FZD6: variants seen among roughly 807,000 people sequenced by gnomAD.
FZD6 encodes the protein frizzled class receptor 6.
In FZD6, 49 loss-of-function variants were observed where a neutral mutation model predicts 61.4. That is an observed-to-expected ratio of 0.80 (90% CI 0.63 to 1.01). The LOEUF is 1.01. Ranked by LOEUF, FZD6 falls within the 50% of genes least tolerant of loss-of-function variation. The pLI, the probability that FZD6 is intolerant of heterozygous loss-of-function variation, is 0.00. For missense variants in FZD6, 724 were observed against 848.2 expected, an observed-to-expected ratio of 0.85 and a Z score of 1.82; for synonymous variants, 265 against 292.2, an observed-to-expected ratio of 0.91 and a Z score of 0.95.
intron 2 of FZD6, among the ~76,000 whole-genome samples, chr8:103,307,298 CATA>C (rs1814364930): frequency 1.6e-5 from 2 of 121,314 alleles, no homozygotes; most frequent in South Asian, 5.5e-4. Context: ...CTTTCATTAT[CATA>C]TTATTATAGC....
intron 4 of FZD6, 142 bp downstream of exon 4, chr8:103,325,640 C>A (rs1814932050): frequency 1.4e-6 from 1 of 722,940 alleles, no homozygotes. Context: ...TATACATCAA[C>A]TGAAACTGGG....
At chr8:103,307,634 C>T in intron 2 of FZD6, 7 of 394,932 alleles carry the variant, frequency 1.8e-5, no homozygotes, top group East Asian at 7.2e-5. Flanking sequence ...TTATTTTGCC[C>T]TGGTCATTCT....
chr8:103,331,170 C>T (rs1172916112), intron 6 of FZD6, among the ~76,000 whole-genome samples, 171 bp from the exon 7 acceptor site: 1 of 129,612 alleles, frequency 7.7e-6, no homozygotes, highest in African/African-American at 3.4e-5. Flanking sequence ...CAGAGTGAGA[C>T]TCTGTCTCAA....
At chr8:103,301,453 ATCAT>A (rs1386663803) in intron 2 of FZD6, among the ~76,000 whole-genome samples, 2 of 152,224 alleles carry the variant, frequency 1.3e-5, no homozygotes, top group Non-Finnish European at 2.9e-5. Context: ...CAATAATTAC[ATCAT>A]TCATTCACTT....
intron 3 of FZD6, among the ~76,000 whole-genome samples, chr8:103,322,483 T>C (rs1171570510): frequency 6.6e-6 from 1 of 152,166 alleles, no homozygotes; most frequent in Non-Finnish European, 1.5e-5. Flanking sequence ...ACTGACTGAC[T>C]TGATCATTTG....
chr8:103,326,351 C>G (rs775608121), intron 4 of FZD6, among the ~76,000 whole-genome samples: 27 of 151,992 alleles, frequency 1.8e-4, no homozygotes, highest in Non-Finnish European at 4.4e-5. Flanking sequence ...TATACGTTGT[C>G]CATAATCTAT....
chr8:103,317,175 G>A (rs1307244084), intron 2 of FZD6, among the ~76,000 whole-genome samples: 1 of 152,184 alleles, frequency 6.6e-6, no homozygotes, highest in Admixed American at 6.5e-5. Flanking sequence ...AAGAGGTGAG[G>A]GGAACAGCAA....
chr8:103,320,904 C>G, intron 3 of FZD6, among the ~76,000 whole-genome samples: 1 of 152,160 alleles, frequency 6.6e-6, no homozygotes, highest in Admixed American at 6.6e-5. Context: ...TTCTTGTACT[C>G]TTACTGTGTG....
At chr8:103,324,044 A>G (rs922153044) in intron 3 of FZD6, among the ~76,000 whole-genome samples, 4 of 152,194 alleles carry the variant, frequency 2.6e-5, no homozygotes, top group Non-Finnish European at 5.9e-5. Context: ...TTTCTTATGG[A>G]CATTAGAAAA....
At chr8:103,300,889 G>A (rs2130257542) in intron 2 of FZD6, among the ~76,000 whole-genome samples, 1 of 152,204 alleles carries the variant, frequency 6.6e-6, no homozygotes, top group East Asian at 1.9e-4. Context: ...GATTGCCTTA[G>A]GTGCCTTAGT....
chr8:103,332,779 C>T lies in FZD6; in HGVS notation c.*1270C>T, dbSNP rs905948665. 2 of 152,474 alleles carry T rather than the reference C, an allele frequency of 1.3e-5. No individual in the cohort carries two copies. Among genetic ancestry groups the T allele is most frequent in the Admixed American group, 6.6e-5 (1 of 15,264 alleles). 9.4% of individuals were successfully genotyped at this position (152,474 alleles called of 1,614,324 possible). A position where few individuals can be genotyped will look rare whatever the true frequency, so the allele number is the denominator to read the frequency against. Reference sequence around the variant, plus strand: ...GTATGGGAAATGTTGTAAATATTACCTTTTCCACATTTTAAACAGACAACT... The same window carrying T: ...GTATGGGAAATGTTGTAAATATTACTTTTTCCACATTTTAAACAGACAACT... On this transcript the variant is annotated 3_prime_UTR_variant, in exon 7 of 7. Transcript: ENST00000358755.
At chr8:103,316,003 T>C (rs1196102674) in intron 2 of FZD6, among the ~76,000 whole-genome samples, 3 of 152,238 alleles carry the variant, frequency 2.0e-5, no homozygotes, top group African/African-American at 7.2e-5. Flanking sequence ...TATTCTTTCC[T>C]ATTAGGGTAA....
chr8:103,324,655 T>A lies in FZD6; in HGVS notation c.549T>A (p.Pro183=). 1 of 1,614,118 alleles carries A rather than the reference T, an allele frequency of 6.2e-7. No individual in the cohort carries two copies. The highest frequency in any genetic ancestry group is 8.5e-7 in the Non-Finnish European group (1 of 1,179,964). ...TTCTGGGAATTGACCAGTGTGCGCCTCCATGCCCCAACATGTATTTTAAAA... is the reference window on the plus strand; with the variant it reads ...TTCTGGGAATTGACCAGTGTGCGCCACCATGCCCCAACATGTATTTTAAAA... ...YKFLGIDQCA[P]PCPNMYFKSD... Residue 183 remains proline, a synonymous_variant, in exon 4 of 7, where the codon CCT becomes CCA. Transcript: ENST00000358755.
chr8:103,300,761 T>A (rs1814142741), intron 2 of FZD6, among the ~76,000 whole-genome samples: 1 of 152,210 alleles, frequency 6.6e-6, no homozygotes, highest in Admixed American at 6.5e-5. Context: ...TAGACTGTAT[T>A]TTAAGGCTAT....
At chr8:103,317,379 A>T (rs1814657255) in intron 2 of FZD6, among the ~76,000 whole-genome samples, 1 of 152,246 alleles carries the variant, frequency 6.6e-6, no homozygotes, top group South Asian at 2.1e-4. Context: ...TTGAACAAGG[A>T]TAAACTTACG....
chr8:103,328,460 G>C, intron 5 of FZD6, 44 bp downstream of exon 5: 1 of 1,344,072 alleles, frequency 7.4e-7, no homozygotes, highest in Non-Finnish European at 1.1e-6. Context: ...TAAATAAATA[G>C]ATCAAAATAC....
chr8:103,305,365 G>C (rs1214960573), intron 2 of FZD6, among the ~76,000 whole-genome samples: 1 of 152,194 alleles, frequency 6.6e-6, no homozygotes, highest in Non-Finnish European at 1.5e-5. Flanking sequence ...AATATGTGCT[G>C]TTAGAATGTC....
At chr8:103,307,921 G>T (rs1360889832) in intron 2 of FZD6, 2 of 455,966 alleles carry the variant, frequency 4.4e-6, no homozygotes, top group African/African-American at 2.0e-5. Flanking sequence ...GGATTTCAGT[G>T]AGGACAACTC....
chr8:103,327,716 G>A (rs1428393244), intron 4 of FZD6, among the ~76,000 whole-genome samples: 4 of 152,122 alleles, frequency 2.6e-5, no homozygotes, highest in East Asian at 1.9e-4. Context: ...ATGTAATATC[G>A]TGACCCTTGT....
Sources: allele counts gnomAD v4.1 joint callset (sites outside exome capture counted in the v4.1 genomes callset), GRCh38; gene constraint gnomAD v4.1.1; transcripts MANE v1.5; gene names NCBI Gene and HGNC (gene_info 2026-07-23, HGNC 2026-07-21).